ROBO2: variants seen among roughly 807,000 people sequenced by gnomAD.
ROBO2 encodes the protein roundabout guidance receptor 2, also known as roundabout homolog 2.
Under a neutral mutation model 160.8 loss-of-function variants are expected in ROBO2, and 53 were observed. The observed-to-expected ratio is 0.33, with a 90% confidence interval of 0.26 to 0.41. The LOEUF (loss-of-function observed/expected upper bound fraction) is 0.41, where lower values mean the gene tolerates loss of function less well. Among genes scored for constraint, ROBO2 ranks in the 10% least tolerant of loss-of-function variants. ROBO2 has a pLI of 1.00. For missense variants in ROBO2, 1,577 were observed against 1,722.4 expected (o/e 0.92, Z 1.49); for synonymous variants, 664 against 611.7 (o/e 1.09, Z -1.26).
intron 2 of ROBO2, among the ~76,000 whole-genome samples, chr3:76,207,438 C>T (rs1446998727): frequency 1.3e-5 from 2 of 152,048 alleles, no homozygotes; most frequent in Non-Finnish European, 2.9e-5. Context: ...AGTATTTTCT[C>T]TAGTATGTTT....
intron 5 of ROBO2, 50 bp from the exon 6 acceptor site, chr3:77,522,725 T>C: frequency 6.4e-7 from 1 of 1,570,614 alleles, no homozygotes; most frequent in Non-Finnish European, 8.7e-7. Context: ...TTAATGTTAT[T>C]ATCCGTATAG....
At chr3:76,292,320 C>T (rs1708844595) in intron 2 of ROBO2, among the ~76,000 whole-genome samples, 1 of 152,166 alleles carries the variant, frequency 6.6e-6, no homozygotes, top group Non-Finnish European at 1.5e-5. Flanking sequence ...GAAGGTGCTA[C>T]CTCCAACCAC....
At chr3:77,287,749 T>C (rs1250937330) in intron 2 of ROBO2, among the ~76,000 whole-genome samples, 2 of 152,104 alleles carry the variant, frequency 1.3e-5, no homozygotes, top group African/African-American at 4.8e-5. Context: ...GCGAAGTGCT[T>C]TGATGTCTTA....
chr3:77,377,673 C>G (rs1164928398), intron 2 of ROBO2, among the ~76,000 whole-genome samples: 1 of 152,128 alleles, frequency 6.6e-6, no homozygotes, highest in Non-Finnish European at 1.5e-5. Context: ...GTCCATTGTA[C>G]CATGTTGTTA....
intron 2 of ROBO2, among the ~76,000 whole-genome samples, chr3:77,460,197 T>C (rs2082103965): frequency 6.6e-6 from 1 of 152,032 alleles, no homozygotes; most frequent in Non-Finnish European, 1.5e-5. Context: ...TTACGAATGG[T>C]CAGGATGGTG....
intron 2 of ROBO2, among the ~76,000 whole-genome samples, chr3:76,834,062 T>TTTCTTTCTTTCTTTCTTTC (rs368797764): frequency 2.3e-5 from 2 of 88,012 alleles, no homozygotes; most frequent in East Asian, 3.7e-4. Context: ...CCTTTCTTTC[T>TTTCTTTCTTTCTTTCTTTC]TTTCTTTCTT....
At chr3:76,797,521 A>T (rs1270810688) in intron 2 of ROBO2, among the ~76,000 whole-genome samples, 4 of 152,146 alleles carry the variant, frequency 2.6e-5, no homozygotes, top group Middle Eastern at 3.4e-3. Context: ...CATCATAAGG[A>T]ACTAGAAAAG....
chr3:76,595,587 C>A (rs887450494), intron 2 of ROBO2, among the ~76,000 whole-genome samples: 1 of 151,836 alleles, frequency 6.6e-6, no homozygotes, highest in African/African-American at 2.4e-5. Context: ...AAAGCATGAA[C>A]GTGATCTTTA....
At chr3:77,051,290 T>G (rs2065206964) in intron 1 of ROBO2, among the ~76,000 whole-genome samples, 1 of 152,212 alleles carries the variant, frequency 6.6e-6, no homozygotes, top group South Asian at 2.1e-4. Flanking sequence ...ATGTACAACA[T>G]GTGGGTACAG....
At chr3:76,174,377 A>G (rs1375459329) in intron 2 of ROBO2, among the ~76,000 whole-genome samples, 2 of 152,060 alleles carry the variant, frequency 1.3e-5, no homozygotes, top group African/African-American at 4.8e-5. Flanking sequence ...ATTAGATCCC[A>G]TTTGTCAATT....
chr3:77,052,145 TAAAACTA>T (rs2065288279), intron 1 of ROBO2, among the ~76,000 whole-genome samples: 1 of 152,208 alleles, frequency 6.6e-6, no homozygotes, highest in South Asian at 2.1e-4. Flanking sequence ...TATCCAGCAG[TAAAACTA>T]AAGAGTGTAT....
At chr3:77,094,612 T>A (rs1403813836) in intron 1 of ROBO2, among the ~76,000 whole-genome samples, 4 of 152,216 alleles carry the variant, frequency 2.6e-5, no homozygotes, top group Non-Finnish European at 5.9e-5. Context: ...ACTTCCAGAT[T>A]GTTTTCCAAA....
chr3:76,058,693 C>T (rs889645923), intron 2 of ROBO2, among the ~76,000 whole-genome samples: 16 of 143,998 alleles, frequency 1.1e-4, no homozygotes, highest in African/African-American at 4.2e-4. Flanking sequence ...TACATGTGCA[C>T]AACGTGCAGG....
intron 2 of ROBO2, among the ~76,000 whole-genome samples, chr3:77,269,134 A>G (rs1320879302): frequency 6.6e-6 from 1 of 152,156 alleles, no homozygotes; most frequent in Non-Finnish European, 1.5e-5. Flanking sequence ...TTCCTAATGC[A>G]TAATTTCCTT....
At chr3:76,536,843 C>A (rs1387091751) in intron 2 of ROBO2, among the ~76,000 whole-genome samples, 1 of 151,996 alleles carries the variant, frequency 6.6e-6, no homozygotes, top group East Asian at 1.9e-4. Flanking sequence ...GAGAAAGAGC[C>A]CAGATGCTGA....
intron 2 of ROBO2, among the ~76,000 whole-genome samples, chr3:76,307,030 T>G (rs1363079939): frequency 6.6e-6 from 1 of 152,130 alleles, no homozygotes; most frequent in Non-Finnish European, 1.5e-5. Context: ...GCCTAAAGCT[T>G]TGGTGGTTAA....
chr3:76,869,342 G>GTTTTTT (rs34051755), intron 2 of ROBO2, among the ~76,000 whole-genome samples: 60 of 71,384 alleles, frequency 8.4e-4, no homozygotes, highest in Non-Finnish European at 9.8e-4. Context: ...AGAAATTGAT[G>GTTTTTT]TTTTTTTTTT....
At chr3:77,193,541 T>A (rs1301404315) in intron 2 of ROBO2, among the ~76,000 whole-genome samples, 1 of 152,040 alleles carries the variant, frequency 6.6e-6, no homozygotes, top group African/African-American at 2.4e-5. Flanking sequence ...AGATAACTTT[T>A]GATGAATGTG....
chr3:76,939,066 G>A (rs547313270), intron 2 of ROBO2, among the ~76,000 whole-genome samples: 1 of 151,856 alleles, frequency 6.6e-6, no homozygotes, highest in Non-Finnish European at 1.5e-5. Context: ...AGCCAACAGA[G>A]AGGTGGGTAA....
Sources: allele counts gnomAD v4.1 joint callset (sites outside exome capture counted in the v4.1 genomes callset), GRCh38; gene constraint gnomAD v4.1.1; transcripts MANE v1.5; gene names NCBI Gene and HGNC (gene_info 2026-07-23, HGNC 2026-07-21).